The following CSMD1 variants were observed in gnomAD, a reference collection of about 807,000 sequenced individuals.
The protein encoded by CSMD1 is CUB and sushi domain-containing protein 1.
CSMD1 carries 213 observed loss-of-function variants against 417.5 expected under a neutral mutation model. The observed-to-expected ratio is 0.51, with a 90% CI of 0.46 to 0.57. CSMD1 has a LOEUF of 0.57. CSMD1 is among the 20% of genes least tolerant of loss of function. The pLI is 0.00. For synonymous variants in CSMD1, 2,862 were observed against 1,736.8 expected, an observed-to-expected ratio of 1.65 and a Z score of -16.11; for missense variants, 6,923 against 4,529.7, an observed-to-expected ratio of 1.53 and a Z score of -15.17.
At chr8:4,615,069 G>T (rs148516114) in intron 2 of CSMD1, among the ~76,000 whole-genome samples, 1 of 152,118 alleles carries the variant, frequency 6.6e-6, no homozygotes, top group Non-Finnish European at 1.5e-5. Flanking sequence ...ATTTGTCTCA[G>T]ATCTACAAAC....
chr8:3,458,723 T>C (rs538848100), intron 12 of CSMD1, among the ~76,000 whole-genome samples: 6 of 152,306 alleles, frequency 3.9e-5, no homozygotes, highest in African/African-American at 1.4e-4. Flanking sequence ...ATTATTAATA[T>C]ATTTGGTTTG....
At chr8:4,271,663 C>T (rs1480164250) in intron 3 of CSMD1, among the ~76,000 whole-genome samples, 1 of 152,086 alleles carries the variant, frequency 6.6e-6, no homozygotes, top group Non-Finnish European at 1.5e-5. Context: ...TGGTAAAATA[C>T]ATCCACTTTA....
intron 49 of CSMD1, among the ~76,000 whole-genome samples, chr8:3,073,675 G>C (rs556997095): frequency 2.5e-4 from 38 of 152,094 alleles, no homozygotes; most frequent in African/African-American, 7.7e-4. Flanking sequence ...AAATACATAT[G>C]ACTGACAAGT....
At chr8:3,807,723 T>C (rs1800827093) in intron 5 of CSMD1, among the ~76,000 whole-genome samples, 1 of 152,144 alleles carries the variant, frequency 6.6e-6, no homozygotes, top group African/African-American at 2.4e-5. Context: ...GATCCTAATG[T>C]CTTTATTACA....
chr8:3,689,095 A>T (rs1169642782), intron 7 of CSMD1, among the ~76,000 whole-genome samples: 1 of 152,224 alleles, frequency 6.6e-6, no homozygotes, highest in African/African-American at 2.4e-5. Context: ...TCATCATAAA[A>T]TGAGAAAAAT....
intron 26 of CSMD1, among the ~76,000 whole-genome samples, chr8:3,259,032 A>G (rs914548960): frequency 6.6e-6 from 1 of 152,198 alleles, no homozygotes; most frequent in African/African-American, 2.4e-5. Flanking sequence ...GGTTAGGCAC[A>G]AAGGTACTCC....
At chr8:3,715,589 C>T (rs748543799) in intron 6 of CSMD1, among the ~76,000 whole-genome samples, 9 of 152,204 alleles carry the variant, frequency 5.9e-5, no homozygotes, top group African/African-American at 2.2e-4. Context: ...GTCATCCACG[C>T]TGGAGTGCAG....
chr8:4,128,072 C>A (rs972706465), intron 3 of CSMD1, among the ~76,000 whole-genome samples: 2 of 152,132 alleles, frequency 1.3e-5, no homozygotes, highest in Non-Finnish European at 2.9e-5. Context: ...TGGACAAGAC[C>A]TCAAAATGGT....
intron 67 of CSMD1, among the ~76,000 whole-genome samples, chr8:2,949,713 T>C (rs986043612): frequency 1.3e-5 from 2 of 152,178 alleles, no homozygotes; most frequent in Non-Finnish European, 2.9e-5. Context: ...ATCTACATTA[T>C]GTAAAACTCA....
At chr8:4,239,544 C>T (rs1029995227) in intron 3 of CSMD1, among the ~76,000 whole-genome samples, 1 of 152,158 alleles carries the variant, frequency 6.6e-6, no homozygotes, top group African/African-American at 2.4e-5. Context: ...AAAGCAGTTC[C>T]AGCATGTTAT....
intron 4 of CSMD1, among the ~76,000 whole-genome samples, chr8:4,012,678 G>A (rs1796327001): frequency 6.6e-6 from 1 of 152,084 alleles, no homozygotes; most frequent in Non-Finnish European, 1.5e-5. Context: ...CCAGCTTTAT[G>A]TATCCAACTC....
chr8:4,611,338 G>C (rs918790861), intron 2 of CSMD1, among the ~76,000 whole-genome samples: 1 of 152,136 alleles, frequency 6.6e-6, no homozygotes, highest in African/African-American at 2.4e-5. Context: ...ACTACACAAA[G>C]CTCACTTCAT....
At chr8:4,718,623 T>A (rs1808843843) in intron 1 of CSMD1, among the ~76,000 whole-genome samples, 1 of 152,098 alleles carries the variant, frequency 6.6e-6, no homozygotes, top group Non-Finnish European at 1.5e-5. Context: ...TTTGATATTA[T>A]TTTAAACTGG....
intron 10 of CSMD1, among the ~76,000 whole-genome samples, chr8:3,496,600 G>C (rs1347687356): frequency 6.6e-6 from 1 of 152,128 alleles, no homozygotes; most frequent in African/African-American, 2.4e-5. Context: ...GGCCGAGGAG[G>C]GTGGGTCATG....
intron 41 of CSMD1, among the ~76,000 whole-genome samples, chr8:3,140,896 A>T (rs1399881555): frequency 6.6e-6 from 1 of 152,232 alleles, no homozygotes; most frequent in Non-Finnish European, 1.5e-5. Flanking sequence ...GCATATTTGA[A>T]GGAATAAAAA....
intron 2 of CSMD1, among the ~76,000 whole-genome samples, chr8:4,476,280 G>A (rs758854246): frequency 3.3e-5 from 5 of 151,960 alleles, no homozygotes; most frequent in African/African-American, 4.8e-5. Flanking sequence ...GATAGAGACC[G>A]GATGTTTATA....
chr8:3,870,192 A>C (rs986803656), intron 5 of CSMD1, among the ~76,000 whole-genome samples: 1 of 152,228 alleles, frequency 6.6e-6, no homozygotes, highest in African/African-American at 2.4e-5. Context: ...CCAGAAAGTC[A>C]AGAAGAAAAT....
In CSMD1 at chr8:4,012,108, T is replaced by C. The variant is rs1056857805; in HGVS notation, c.611-13998A>G. Among the ~76,000 whole-genome samples the C allele has an allele frequency of 2.8e-4, 43 of 152,046 alleles. 1 individual carries two copies. The highest frequency in any genetic ancestry group is 1.5e-5 in the Non-Finnish European group (1 of 68,010). ...TTGTAGACATAGCCACAATGAAACA[T>C]TTTCTAGATTTAAAATATATATATA... On this transcript the variant is annotated intron_variant, in intron 4 of 69. Transcript: ENST00000635120.
chr8:4,640,025 T>C (rs1585375875), intron 1 of CSMD1, among the ~76,000 whole-genome samples: 1 of 152,164 alleles, frequency 6.6e-6, no homozygotes, highest in Admixed American at 6.5e-5. Context: ...GACTTGATTA[T>C]AAATTGGAAA....
Sources: gnomAD v4.1 joint callset for allele counts (sites outside exome capture counted in the v4.1 genomes callset) on GRCh38, gnomAD v4.1.1 for gene constraint, MANE v1.5 for transcripts, NCBI Gene and HGNC (gene_info 2026-07-23, HGNC 2026-07-21) for gene names.